SSBP3: variants seen among roughly 807,000 people sequenced by gnomAD.
SSBP3 encodes single stranded DNA binding protein 3, also known as single-stranded DNA-binding protein 3.
A neutral mutation model predicts 69.6 loss-of-function variants in SSBP3; 5 were observed. That is an observed-to-expected ratio of 0.07 (90% CI 0.04 to 0.15). SSBP3 has a LOEUF of 0.15. Ranked by LOEUF, SSBP3 falls within the 10% of genes least tolerant of loss-of-function variation. The pLI is 1.00. For synonymous variants in SSBP3, 196 were observed against 193.4 expected (o/e 1.01, Z -0.11); for missense variants, 312 against 534.0 (o/e 0.58, Z 4.10).
chr1:54,252,075 G>T (rs1211542786), intron 7 of SSBP3, among the ~76,000 whole-genome samples: 1 of 152,226 alleles, frequency 6.6e-6, no homozygotes, highest in Non-Finnish European at 1.5e-5. Context: ...TTGTTTTGGG[G>T]GCTCTGTGGG....
chr1:54,243,062 A>T, intron 10 of SSBP3, 173 bp downstream of exon 10: 2 of 684,666 alleles, frequency 2.9e-6, no homozygotes, highest in South Asian at 3.5e-5. Context: ...GAGGCACTCT[A>T]TGAGGCTGAG....
At chr1:54,243,355 A>T in intron 9 of SSBP3, 56 bp from the exon 10 acceptor site, 1 of 1,597,110 alleles carries the variant, frequency 6.3e-7, no homozygotes, top group Non-Finnish European at 8.6e-7. Flanking sequence ...AGACAGGAGG[A>T]GGGAGGAGAA....
At chr1:54,266,335 C>G (rs1277025017) in intron 5 of SSBP3, among the ~76,000 whole-genome samples, 1 of 152,202 alleles carries the variant, frequency 6.6e-6, no homozygotes, top group African/African-American at 2.4e-5. Context: ...GTCAAACTAG[C>G]CTGCCACCTG....
At position 54,369,216 on chromosome 1, in the gene SSBP3, G is replaced by GT. The variant is rs1180619495; in HGVS notation, c.276+32644dup. ...TGCACATGGGAAAAAGTCCTCTTGA[G>GT]TCGGGGGGGGGGCCCAAGCCAGGCT... On this transcript the variant is annotated intron_variant, in intron 4 of 17. Transcript: ENST00000610401. Among the ~76,000 whole-genome samples the GT allele has an allele frequency of 1.2e-3, 146 of 121,474 alleles. 3 individuals are homozygous for GT. Among genetic ancestry groups the GT allele is most frequent in the Middle Eastern group, 7.9e-3 (2 of 254 alleles). The allele number at this position is 121,474 out of a possible 152,430, so 79.7% of individuals were successfully genotyped here.
At chr1:54,310,448 G>C (rs569502394) in intron 4 of SSBP3, among the ~76,000 whole-genome samples, 1 of 152,288 alleles carries the variant, frequency 6.6e-6, no homozygotes, top group East Asian at 1.9e-4. Flanking sequence ...TAAGAAAAGA[G>C]AGCCCACGGA....
rs1644958935 is a variant in SSBP3, at chr1:54,258,312, G to A, written c.367-163C>T. On this transcript the variant is annotated intron_variant, in intron 5 of 17. Coordinates refer to ENST00000610401, the Ensembl canonical transcript of SSBP3. The surrounding 1 kb of genome is among the most constrained non-coding windows in gnomAD (Gnocchi z 4.5). ...AGGTGGTGGAGCTGCTGCTTTGGTC[G>A]CCGGCTCAACGGTGTAAAACGGCGA... 1.3e-5 allele frequency among the ~76,000 whole-genome samples: 2 copies of A among 151,852 alleles called. No individual in the cohort carries two copies. The highest frequency in any genetic ancestry group is 4.2e-4 in the South Asian group (2 of 4,808).
At chr1:54,277,170 T>C (rs1248484887) in intron 5 of SSBP3, among the ~76,000 whole-genome samples, 3 of 150,890 alleles carry the variant, frequency 2.0e-5, no homozygotes, top group Non-Finnish European at 4.4e-5. Flanking sequence ...ACATCAGGGA[T>C]GGCAAAGAGG....
chr1:54,295,954 T>C (rs1489641438), intron 4 of SSBP3, among the ~76,000 whole-genome samples: 2 of 152,366 alleles, frequency 1.3e-5, no homozygotes, highest in Non-Finnish European at 2.9e-5. Context: ...TCTTATTATA[T>C]AGACAAAGGT....
chr1:54,337,909 A>G (rs1198272978), intron 4 of SSBP3, among the ~76,000 whole-genome samples: 1 of 152,194 alleles, frequency 6.6e-6, no homozygotes, highest in Non-Finnish European at 1.5e-5. Flanking sequence ...CAGGGGGATC[A>G]CTTGAGCCCA....
At chr1:54,251,060 TG>T (rs1644820485) in intron 9 of SSBP3, among the ~76,000 whole-genome samples, 1 of 152,198 alleles carries the variant, frequency 6.6e-6, no homozygotes, top group Non-Finnish European at 1.5e-5. Flanking sequence ...CCTGCCAGCG[TG>T]GCCCCCTCCC....
chr1:54,226,857 G>C (rs927085718), exon 18 of SSBP3: 43 of 467,578 alleles, frequency 9.2e-5, no homozygotes, highest in Non-Finnish European at 3.6e-5. Context: ...TTTGGGGAAA[G>C]GGCAAGGGGT....
At chr1:54,295,216 C>T (rs1645684329) in intron 4 of SSBP3, among the ~76,000 whole-genome samples, 1 of 152,180 alleles carries the variant, frequency 6.6e-6, no homozygotes, top group Admixed American at 6.5e-5. Flanking sequence ...CCGGCCGCAT[C>T]CCTACTCTGC....
exon 1 of SSBP3, chr1:54,406,024 G>A (rs577129824): frequency 5.2e-5 from 75 of 1,445,422 alleles, no homozygotes; most frequent in African/African-American, 5.1e-4. Context: ...GCAGGGAAGA[G>A]GGCGCCGAGC....
At chr1:54,256,217 A>G (rs1323367048) in intron 7 of SSBP3, among the ~76,000 whole-genome samples, 1 of 152,198 alleles carries the variant, frequency 6.6e-6, no homozygotes, top group Non-Finnish European at 1.5e-5. Flanking sequence ...GCTGGTGACT[A>G]AACTCCCAGT....
At chr1:54,382,692 T>C (rs1270078742) in intron 4 of SSBP3, among the ~76,000 whole-genome samples, 1 of 151,978 alleles carries the variant, frequency 6.6e-6, no homozygotes. Context: ...GGCTTAGAAA[T>C]AAAGAAGTCC....
chr1:54,387,261 G>A (rs1001755596), intron 4 of SSBP3, among the ~76,000 whole-genome samples: 1 of 152,152 alleles, frequency 6.6e-6, no homozygotes, highest in Non-Finnish European at 1.5e-5. Flanking sequence ...TGAGAGAATC[G>A]GGGAGACCCT....
At chr1:54,406,585 C>A (rs1200991902), upstream of SSBP3, among the ~76,000 whole-genome samples, 3 of 151,852 alleles carry the variant, frequency 2.0e-5, no homozygotes, top group Non-Finnish European at 4.4e-5. Flanking sequence ...CTGCCTGCTC[C>A]TGCAGGCGAA....
chr1:54,288,568 C>G (rs566371316), intron 4 of SSBP3, among the ~76,000 whole-genome samples: 1 of 128,558 alleles, frequency 7.8e-6, no homozygotes, highest in South Asian at 2.8e-4. Context: ...TCATTTTGAT[C>G]CCATACATCA....
intron 4 of SSBP3, among the ~76,000 whole-genome samples, chr1:54,289,660 A>C (rs1306363033): frequency 6.6e-6 from 1 of 152,138 alleles, no homozygotes; most frequent in Non-Finnish European, 1.5e-5. Context: ...CTGGGGCCTT[A>C]AAGGACGGCA....
Sources: gnomAD v4.1 joint callset for allele counts (sites outside exome capture counted in the v4.1 genomes callset) on GRCh38, gnomAD v4.1.1 for gene constraint, Gnocchi (gnomAD v3.1) non-coding constraint, MANE v1.5 for transcripts, NCBI Gene and HGNC (gene_info 2026-07-23, HGNC 2026-07-21) for gene names.